NCR1: variants seen among roughly 807,000 people sequenced by gnomAD.
The protein encoded by NCR1 is NK cell-activating receptor.
NCR1 carries 30 observed loss-of-function variants against 32.5 expected under a neutral mutation model. The observed-to-expected ratio is 0.92, with a 90% CI of 0.69 to 1.25. The LOEUF is 1.25. NCR1 is among the 50% of genes most tolerant of loss of function. The probability of loss-of-function intolerance (pLI) is 0.00; values close to 1 mark genes in which losing one functional copy is unlikely to be tolerated. For missense variants in NCR1, 369 were observed against 380.7 expected, an observed-to-expected ratio of 0.97 and a Z score of 0.26; for synonymous variants, 169 against 143.4, an observed-to-expected ratio of 1.18 and a Z score of -1.28.
At chr19:54,919,520 A>G (rs574095351), downstream of NCR1, among the ~76,000 whole-genome samples, 43 of 152,184 alleles carry the variant, frequency 2.8e-4, no homozygotes, top group Non-Finnish European at 5.0e-4. Flanking sequence ...CTAATTTACT[A>G]CTGCTATCTA....
the NCR1 span, chr19:54,934,378 T>C: frequency 9.3e-7 from 1 of 1,078,294 alleles, no homozygotes; most frequent in Non-Finnish European, 1.4e-6. The surrounding 1 kb of genome is among the most constrained non-coding windows in gnomAD (Gnocchi z 6.7). Flanking sequence ...GAAGCAGGTG[T>C]TTATTTCAGC....
At position 54,906,633 on chromosome 19, in the gene NCR1, C is replaced by A. The variant is rs587625915; in HGVS notation, c.181C>A (p.His61Asn). The change falls in exon 3 of 7, where the codon CAC becomes AAC. Residue 61 changes from histidine (H) to asparagine (N), a missense_variant. Physicochemically the swap from His to Asn is moderately conservative, Grantham distance 68 (BLOSUM62 1). Transcript: ENST00000291890. ...TTATGGGGCTGTTGAATACCAGCTG[C>A]ACTTTGAAGGAAGCCTTTTTGCCGT... ...GNYGAVEYQL[H>N]FEGSLFAVDR... 5.9e-5 allele frequency: 95 copies of A among 1,614,236 alleles called. 2 individuals are homozygous for A. The South Asian group carries it at 9.6e-4, about 16-fold the overall frequency.
chr19:54,930,227 G>A, the NCR1 span, among the ~76,000 whole-genome samples: 1 of 151,986 alleles, frequency 6.6e-6, no homozygotes, highest in East Asian at 1.9e-4. Flanking sequence ...AGCACATTGG[G>A]AGGCCGAGGT....
At chr19:54,910,117 A>ACTGCCTT in intron 5 of NCR1, 52 bp downstream of exon 5, 1 of 1,548,940 alleles carries the variant, frequency 6.5e-7, no homozygotes, top group Non-Finnish European at 8.9e-7. Flanking sequence ...CCTCCCAGTG[A>ACTGCCTT]CACTAAAAAC....
At chr19:54,929,931 T>C in the NCR1 span, among the ~76,000 whole-genome samples, 1 of 100,522 alleles carries the variant, frequency 9.9e-6, no homozygotes, top group Non-Finnish European at 2.2e-5. Flanking sequence ...TGGCTAACAC[T>C]GTGAAACCCA....
At chr19:54,923,688 T>G in the NCR1 span, 9 of 1,606,672 alleles carry the variant, frequency 5.6e-6, 2 homozygotes, top group South Asian at 7.7e-5. Flanking sequence ...TAAGACATCT[T>G]AGAGACCCGA....
chr19:54,906,558 C>G lies in NCR1; in HGVS notation c.106C>G (p.His36Asp), dbSNP rs1435524304. ...LPKPFIWAEP[H>D]FMVPKEKQVT... The stretch of plus-strand genomic sequence containing the variant: ...AAAACCGTTCATCTGGGCCGAGCCC[C>G]ATTTCATGGTTCCAAAGGAAAAGCA... The change falls in exon 3 of 7, where the codon CAT (histidine) becomes GAT (aspartate). Residue 36 changes from histidine (H) to aspartate (D), a missense_variant. Transcript: ENST00000291890. 1 of 1,612,220 alleles carries G rather than the reference C, an allele frequency of 6.2e-7. No homozygotes were observed. The highest frequency in any genetic ancestry group is 8.5e-7 in the Non-Finnish European group (1 of 1,180,030).
the NCR1 span, among the ~76,000 whole-genome samples, chr19:54,900,540 G>A: frequency 6.6e-6 from 1 of 152,070 alleles, no homozygotes; most frequent in Non-Finnish European, 1.5e-5. Context: ...CCATCTGGAT[G>A]TGTACATACA....
At chr19:54,902,073 G>A (rs913907218), upstream of NCR1, among the ~76,000 whole-genome samples, 2 of 152,178 alleles carry the variant, frequency 1.3e-5, no homozygotes, top group Non-Finnish European at 2.9e-5. Flanking sequence ...GAATAAAGTG[G>A]ATAGATCAGA....
chr19:54,907,378 T>C (rs1480334367), intron 3 of NCR1, among the ~76,000 whole-genome samples: 1 of 149,758 alleles, frequency 6.7e-6, no homozygotes, highest in Non-Finnish European at 1.5e-5. Flanking sequence ...GTCGAACTCC[T>C]GACCTCAGAT....
chr19:54,923,892 C>G, the NCR1 span: 1 of 1,609,502 alleles, frequency 6.2e-7, no homozygotes, highest in African/African-American at 1.4e-5. Flanking sequence ...TCAGAGAACA[C>G]AAATGTTCCC....
At chr19:54,932,830 A>AT in the NCR1 span, among the ~76,000 whole-genome samples, 1 of 151,616 alleles carries the variant, frequency 6.6e-6, no homozygotes, top group African/African-American at 2.4e-5. Context: ...TAATTTTTGT[A>AT]TTTTTTAGTA....
chr19:54,936,475 C>A, the NCR1 span: 2 of 1,498,532 alleles, frequency 1.3e-6, no homozygotes, highest in Admixed American at 1.7e-5. Context: ...GATTAATACT[C>A]ACATTGTGTG....
downstream of NCR1, among the ~76,000 whole-genome samples, chr19:54,919,662 C>A (rs2068204074): frequency 6.6e-6 from 1 of 150,742 alleles, no homozygotes; most frequent in South Asian, 2.1e-4. Context: ...TCAGGCCCTC[C>A]ACAAGAGGTG....
At chr19:54,936,955 G>A in the NCR1 span, among the ~76,000 whole-genome samples, 1 of 151,830 alleles carries the variant, frequency 6.6e-6, no homozygotes, top group African/African-American at 2.4e-5. Flanking sequence ...GCTCACGCCT[G>A]TAATCCCAGC....
At chr19:54,916,317 CTTT>C (rs71181711), downstream of NCR1, among the ~76,000 whole-genome samples, 189 of 87,092 alleles carry the variant, frequency 2.2e-3, 1 homozygote, top group Non-Finnish European at 3.3e-3. Flanking sequence ...GAATATTGTG[CTTT>C]TTTTTTTTTT....
chr19:54,923,019 G>A, the NCR1 span, among the ~76,000 whole-genome samples: 2 of 152,042 alleles, frequency 1.3e-5, no homozygotes, highest in Admixed American at 1.3e-4. Context: ...GAGGCGGCCC[G>A]TGGGAGCCGA....
rs1256151954 is a variant in NCR1 at position 54,912,761 on chromosome 19, C to T, written c.805C>T (p.Leu269=). ...CCTGGCCTTTCTAGTCCTGGTGGCT[C>T]TAGTGTGGTTCCTGGTTGAAGACTG... ...MGLAFLVLVA[L]VWFLVEDWLS... is the part of the protein sequence containing the mutation. The change falls in exon 7 of 7, where the codon CTA becomes TTA. Residue 269 remains leucine, a synonymous_variant. Coordinates refer to ENST00000291890, the MANE Select transcript of NCR1 (RefSeq NM_004829.7). 1 of 1,614,016 alleles carries T rather than the reference C, an allele frequency of 6.2e-7. No individual in the cohort carries two copies. Among genetic ancestry groups the T allele is most frequent in the Non-Finnish European group, 8.5e-7 (1 of 1,180,034 alleles).
the NCR1 span, chr19:54,923,388 AAAAG>A: frequency 1.1e-5 from 4 of 371,184 alleles, no homozygotes; most frequent in South Asian, 9.4e-5. Context: ...GTTAGGGAAG[AAAAG>A]AAATAGAAGA....
Sources: gnomAD v4.1 joint callset for allele counts (sites outside exome capture counted in the v4.1 genomes callset) on GRCh38, gnomAD v4.1.1 for gene constraint, Gnocchi (gnomAD v3.1) non-coding constraint, MANE v1.5 for transcripts, NCBI Gene and HGNC (gene_info 2026-07-23, HGNC 2026-07-21) for gene names.